ZNF169: variants seen among roughly 807,000 people sequenced by gnomAD.
ZNF169 encodes zinc finger protein 169.
In ZNF169, 11 loss-of-function variants were observed where a neutral mutation model predicts 12.0. That is an observed-to-expected ratio of 0.92 (90% CI 0.58 to 1.52). The LOEUF (loss-of-function observed/expected upper bound fraction) is 1.52. Among genes scored for constraint, ZNF169 ranks in the 40% most tolerant of loss-of-function variants. The pLI is 0.00. For synonymous variants in ZNF169, 302 were observed against 286.5 expected (o/e 1.05, Z -0.55); for missense variants, 722 against 744.0 (o/e 0.97, Z 0.34).
At chr9:94,288,450 T>G in intron 2 of ZNF169, 1 of 1,092,728 alleles carries the variant, frequency 9.2e-7, no homozygotes, top group Non-Finnish European at 1.4e-6. Flanking sequence ...CATTCTTCTC[T>G]TTTGTTTTCA....
Position 94,299,971 on chromosome 9 carries a change from G to A in ZNF169, c.413G>A (p.Ser138Asn), listed in dbSNP as rs1044821673. ...DFQLEAPRCS[S>N]EKGESGETEG... ...CAACTAGAAGCTCCAAGATGCTCTA[G>A]TGAAAAAGGAGAAAGTGGAGAGACA... The change falls in exon 5 of 5, where the codon AGT (serine) becomes AAT (asparagine). Residue 138 changes from serine (S) to asparagine (N), a missense_variant. Physicochemically the swap from Ser to Asn is conservative, Grantham distance 46. Coordinates refer to ENST00000395395, the MANE Select transcript of ZNF169 (RefSeq NM_194320.4). 2 of 1,614,124 alleles carry A rather than the reference G, an allele frequency of 1.2e-6. No individual in the cohort carries two copies. The highest frequency in any genetic ancestry group is 1.7e-6 in the Non-Finnish European group (2 of 1,180,036).
chr9:94,260,322 G>C (rs1830178731), intron 1 of ZNF169, among the ~76,000 whole-genome samples: 1 of 152,230 alleles, frequency 6.6e-6, no homozygotes, highest in African/African-American at 2.4e-5. Context: ...CAAAGTACTG[G>C]GATTACAGGC....
At position 94,270,860 on chromosome 9, in the gene ZNF169, T is replaced by C. The variant is rs1205777684; in HGVS notation, c.-55-7898T>C. Among the ~76,000 whole-genome samples the C allele has an allele frequency of 2.1e-4, 3 of 14,070 alleles. No homozygotes were observed. The East Asian group carries it at 6.1e-3, about 29-fold the overall frequency. The allele number at this position is 14,070 out of a possible 152,430, so 9.2% of individuals were successfully genotyped here. A position where few individuals can be genotyped will look rare whatever the true frequency, so the allele number is the denominator to read the frequency against. Reference sequence around the variant, plus strand: ...ATATATTATATTATATAAATATATATAATAATATATATATTATATTATATA... The same window carrying C: ...ATATATTATATTATATAAATATATACAATAATATATATATTATATTATATA... On this transcript the variant is annotated intron_variant, in intron 1 of 4. Coordinates refer to ENST00000395395, the MANE Select transcript of ZNF169 (RefSeq NM_194320.4).
At chr9:94,266,795 T>C (rs1449133095) in intron 1 of ZNF169, among the ~76,000 whole-genome samples, 1 of 152,206 alleles carries the variant, frequency 6.6e-6, no homozygotes, top group Non-Finnish European at 1.5e-5. Context: ...ATAATTTTTC[T>C]CTTTCCAGTT....
intron 1 of ZNF169, among the ~76,000 whole-genome samples, chr9:94,266,847 G>T (rs974290852): frequency 1.3e-5 from 2 of 151,490 alleles, no homozygotes; most frequent in African/African-American, 4.8e-5. Flanking sequence ...GAACTGGTTT[G>T]CTTCATTGTA....
chr9:94,298,246 A>G (rs898282960), intron 4 of ZNF169, among the ~76,000 whole-genome samples: 3 of 152,178 alleles, frequency 2.0e-5, no homozygotes, highest in African/African-American at 7.2e-5. Flanking sequence ...CAAAAGTAAG[A>G]TAAAAAAGAT....
intron 1 of ZNF169, among the ~76,000 whole-genome samples, chr9:94,262,728 G>T (rs77471681): frequency 6.6e-6 from 1 of 152,182 alleles, no homozygotes; most frequent in African/African-American, 2.4e-5. Flanking sequence ...CAAAGTGCTG[G>T]GATTACAGGT....
intron 4 of ZNF169, chr9:94,295,189 C>G (rs1447134131): frequency 6.6e-6 from 1 of 152,010 alleles, no homozygotes; most frequent in Non-Finnish European, 1.5e-5. Context: ...TTAGCCGAGC[C>G]TGGTGGTGCA....
At chr9:94,278,397 A>G (rs1830561794) in intron 1 of ZNF169, among the ~76,000 whole-genome samples, 1 of 152,134 alleles carries the variant, frequency 6.6e-6, no homozygotes, top group African/African-American at 2.4e-5. Flanking sequence ...GCCTCACAGT[A>G]AATATGGATG....
chr9:94,259,858 A>G (rs1445161624), intron 1 of ZNF169, among the ~76,000 whole-genome samples: 1 of 152,116 alleles, frequency 6.6e-6, no homozygotes, highest in Admixed American at 6.5e-5. Flanking sequence ...CGGCTTGGGC[A>G]TCAGTCGGGT....
intron 1 of ZNF169, among the ~76,000 whole-genome samples, chr9:94,261,377 A>G (rs1323637759): frequency 2.0e-5 from 3 of 152,132 alleles, no homozygotes; most frequent in African/African-American, 7.2e-5. Flanking sequence ...TGACCTCCTG[A>G]TCCACCGGCC....
chr9:94,275,934 C>T (rs1211704456), intron 1 of ZNF169, among the ~76,000 whole-genome samples: 3 of 151,716 alleles, frequency 2.0e-5, no homozygotes, highest in African/African-American at 4.8e-5. Context: ...CTACCATGCC[C>T]GGCTAGTTTT....
In ZNF169 at chr9:94,292,417, C is replaced by A. The variant is rs1216911549; in HGVS notation, c.110C>A (p.Thr37Asn). 1 of 1,614,112 alleles carries A rather than the reference C, an allele frequency of 6.2e-7. No homozygotes were observed. Among genetic ancestry groups the A allele is most frequent in the South Asian group, 1.1e-5 (1 of 91,084 alleles). The stretch of plus-strand genomic sequence containing the variant: ...AAGCTATTGAGTTCTGCTCAGAGGA[C>A]CCTGTACAGGGAGGTGATGCTGGAG... The part of the protein sequence containing the change: ...EWKLLSSAQR[T>N]LYREVMLENY... Residue 37 changes from threonine to asparagine, a missense_variant, in exon 3 of 5, where the codon ACC (threonine) becomes AAC (asparagine). Coordinates refer to ENST00000395395, the MANE Select transcript of ZNF169 (RefSeq NM_194320.4).
intron 1 of ZNF169, among the ~76,000 whole-genome samples, chr9:94,260,947 G>A (rs1446822341): frequency 6.7e-6 from 1 of 150,200 alleles, no homozygotes; most frequent in Non-Finnish European, 1.5e-5. Flanking sequence ...AGGCTCCTGA[G>A]TAGCTGGTAC....
In ZNF169 at chr9:94,300,218, A is replaced by G; in HGVS notation, c.660A>G (p.Gly220=). ...TCATACGTGGAAACTATAGACTGGG[A>G]CTTAGCAAAAAGTCAAGCCTGTTCA... The part of the protein sequence containing the change: ...GAVIRGNYRL[G]LSKKSSLFSH... The change falls in exon 5 of 5, where the codon GGA becomes GGG. Residue 220 remains glycine, a synonymous_variant. Transcript: ENST00000395395. The G allele has an allele frequency of 6.2e-7, 1 of 1,614,208 alleles. No individual in the cohort carries two copies. The highest frequency in any genetic ancestry group is 1.1e-5 in the South Asian group (1 of 91,088).
At chr9:94,285,740 T>C (rs1220084001) in intron 2 of ZNF169, among the ~76,000 whole-genome samples, 1 of 152,138 alleles carries the variant, frequency 6.6e-6, no homozygotes, top group African/African-American at 2.4e-5. Context: ...CCAGGCACGG[T>C]AGCTCACGCC....
chr9:94,262,406 T>C (rs1361514933), intron 1 of ZNF169, among the ~76,000 whole-genome samples: 1 of 151,934 alleles, frequency 6.6e-6, no homozygotes, highest in Non-Finnish European at 1.5e-5. Context: ...CAGCGAGATC[T>C]ACTGCCGGGT....
Position 94,300,242 on chromosome 9 carries a change from C to T in ZNF169, c.684C>T (p.Phe228=), listed in dbSNP as rs765747804. ...GACTTAGCAAAAAGTCAAGCCTGTT[C>T]AGCCACCAGAAGCATCATGTGTGCC... ...RLGLSKKSSL[F]SHQKHHVCPE... is the part of the protein sequence containing the mutation. The change falls in exon 5 of 5, where the codon TTC becomes TTT. Residue 228 remains phenylalanine (F), a synonymous_variant. Transcript: ENST00000395395. 1.9e-6 allele frequency: 3 copies of T among 1,614,214 alleles called. No homozygotes were observed. The highest frequency in any genetic ancestry group is 2.5e-6 in the Non-Finnish European group (3 of 1,180,034).
chr9:94,263,879 T>G (rs1830247084), intron 1 of ZNF169, among the ~76,000 whole-genome samples: 1 of 152,036 alleles, frequency 6.6e-6, no homozygotes, highest in Non-Finnish European at 1.5e-5. Flanking sequence ...TCAATATAAC[T>G]TAATTGCCAC....
Sources: allele counts gnomAD v4.1 joint callset (sites outside exome capture counted in the v4.1 genomes callset), GRCh38; gene constraint gnomAD v4.1.1; transcripts MANE v1.5; gene names NCBI Gene and HGNC (gene_info 2026-07-23, HGNC 2026-07-21).